RTN4RL1: variants seen among roughly 807,000 people sequenced by gnomAD.
RTN4RL1 encodes the protein reticulon 4 receptor like 1.
A neutral mutation model predicts 25.6 loss-of-function variants in RTN4RL1; 7 were observed. That is an observed-to-expected ratio of 0.27 (90% CI 0.16 to 0.51). The LOEUF is 0.51. Ranked by LOEUF, RTN4RL1 falls within the 20% of genes least tolerant of loss-of-function variation. The probability of loss-of-function intolerance (pLI) is 0.97; values close to 1 mark genes in which losing one functional copy is unlikely to be tolerated. For synonymous variants in RTN4RL1, 297 were observed against 288.2 expected, an observed-to-expected ratio of 1.03 and a Z score of -0.31; for missense variants, 500 against 615.6, an observed-to-expected ratio of 0.81 and a Z score of 1.99.
At chr17:2,002,237 T>C (rs1379023816) in intron 1 of RTN4RL1, among the ~76,000 whole-genome samples, 2 of 151,708 alleles carry the variant, frequency 1.3e-5, no homozygotes, top group Admixed American at 1.3e-4. Context: ...TCTTCCTTCC[T>C]TCCCTCCCTC....
chr17:1,991,794 C>A (rs552432249), intron 1 of RTN4RL1, among the ~76,000 whole-genome samples: 12 of 152,178 alleles, frequency 7.9e-5, no homozygotes, highest in Non-Finnish European at 1.6e-4. Context: ...TCCTGATGGA[C>A]AAGTAGGTTG....
At chr17:1,993,575 C>T (rs1018653952) in intron 1 of RTN4RL1, among the ~76,000 whole-genome samples, 4 of 151,992 alleles carry the variant, frequency 2.6e-5, no homozygotes, top group African/African-American at 9.7e-5. Flanking sequence ...AAACTTATTT[C>T]GGCAGTTGAG....
intron 1 of RTN4RL1, among the ~76,000 whole-genome samples, chr17:1,951,081 C>T (rs897890486): frequency 4.6e-5 from 7 of 151,134 alleles, no homozygotes; most frequent in Non-Finnish European, 7.4e-5. Context: ...CTGGCTAACA[C>T]GGTGAAACCC....
intron 1 of RTN4RL1, among the ~76,000 whole-genome samples, chr17:1,978,687 A>G (rs1309179492): frequency 6.6e-6 from 1 of 152,198 alleles, no homozygotes; most frequent in Non-Finnish European, 1.5e-5. Flanking sequence ...GTGCGCACGG[A>G]GCATGGAGCG....
In RTN4RL1 at chr17:1,936,785, C is replaced by T. The variant is rs143202933; in HGVS notation, c.1037G>A (p.Arg346Gln). 4,938 of 1,590,454 alleles carry T rather than the reference C, an allele frequency of 3.1e-3. 21 individuals carry two copies. Among genetic ancestry groups the T allele is most frequent in the South Asian group, 9.1e-3 (795 of 87,202 alleles). Residue 346 changes from arginine to glutamine, a missense_variant, in exon 2 of 2, where the codon CGG becomes CAG. This residue lies in a region of RTN4RL1 where 268 missense variants were observed against 274.5 expected (regional missense o/e 0.98). Transcript: ENST00000331238. The part of the protein sequence containing the change: ...TRSKGHPHGP[R>Q]PGHRKPGKNC... The stretch of plus-strand genomic sequence containing the variant: ...CTTCCCCGGCTTCCTGTGGCCGGGC[C>T]GGGGGCCGTGCGGGTGGCCCTTGCT...
intron 1 of RTN4RL1, among the ~76,000 whole-genome samples, chr17:2,006,930 T>A (rs905478996): frequency 6.6e-6 from 1 of 152,122 alleles, no homozygotes; most frequent in African/African-American, 2.4e-5. Flanking sequence ...GCCTTTTCTT[T>A]TTTTTAATGT....
chr17:1,939,559 T>C (rs906928315), intron 1 of RTN4RL1, among the ~76,000 whole-genome samples: 1 of 152,052 alleles, frequency 6.6e-6, no homozygotes, highest in Non-Finnish European at 1.5e-5. Context: ...CTCCAGGCTG[T>C]GGTTGCAAAA....
intron 1 of RTN4RL1, among the ~76,000 whole-genome samples, chr17:1,938,907 C>T (rs905484652): frequency 6.6e-6 from 1 of 151,478 alleles, no homozygotes. Context: ...AAAAATTAGC[C>T]GGGTGGCTAC....
In RTN4RL1 at chr17:1,998,708, G is replaced by A. The variant is rs1403292795; in HGVS notation, c.13+26145C>T. Reference sequence around the variant, plus strand: ...AAGCTGGCGCTGCCGGAGCGCCCGGGCCCCGCTCCCCTCACGGGCCTCGCA... The same window carrying A: ...AAGCTGGCGCTGCCGGAGCGCCCGGACCCCGCTCCCCTCACGGGCCTCGCA... On this transcript the variant is annotated intron_variant, in intron 1 of 1. Transcript: ENST00000331238. The surrounding 1 kb of genome is among the most constrained non-coding windows in gnomAD (Gnocchi z 4.9). 6.6e-6 allele frequency among the ~76,000 whole-genome samples: 1 copy of A among 151,248 alleles called. No homozygotes were observed.
intron 1 of RTN4RL1, among the ~76,000 whole-genome samples, chr17:1,989,579 A>T (rs1256260426): frequency 6.6e-6 from 1 of 151,654 alleles, no homozygotes; most frequent in Non-Finnish European, 1.5e-5. Flanking sequence ...TTATTTATTT[A>T]TTTTTATTTT....
chr17:2,012,359 G>A (rs139175416), intron 1 of RTN4RL1, among the ~76,000 whole-genome samples: 66 of 152,366 alleles, frequency 4.3e-4, no homozygotes, highest in South Asian at 1.7e-3. Context: ...GCTGGGCTGC[G>A]GTGAGGCGGC....
intron 1 of RTN4RL1, among the ~76,000 whole-genome samples, chr17:1,961,993 A>C (rs1398153868): frequency 6.6e-6 from 1 of 151,006 alleles, no homozygotes; most frequent in Non-Finnish European, 1.5e-5. Context: ...GAAAGAAAAG[A>C]AAAGCAGGCC....
At chr17:1,984,417 G>T (rs1284754330) in intron 1 of RTN4RL1, among the ~76,000 whole-genome samples, 1 of 152,168 alleles carries the variant, frequency 6.6e-6, no homozygotes, top group Non-Finnish European at 1.5e-5. Context: ...AGGCTGGAGT[G>T]CAGTGGCCCA....
chr17:1,975,905 CT>C (rs149659370), intron 1 of RTN4RL1, among the ~76,000 whole-genome samples: 1,633 of 152,260 alleles, frequency 0.011, 29 homozygotes, highest in African/African-American at 0.038. Flanking sequence ...AAGCCCACCC[CT>C]GAGACCAGAA....
rs113681023 is a variant in RTN4RL1, at chr17:1,948,539, GGACAGGCA to G, written c.14-10739_14-10732del. Among the ~76,000 whole-genome samples the G allele has an allele frequency of 2.5e-3, 380 of 152,258 alleles. 2 individuals are homozygous for G. Among genetic ancestry groups the G allele is most frequent in the African/African-American group, 6.1e-3 (255 of 41,540 alleles). On this transcript the variant is annotated intron_variant, in intron 1 of 1. Transcript: ENST00000331238. The stretch of plus-strand genomic sequence containing the variant: ...AGCTAATTGTGGACCACCCACTGCC[GGACAGGCA>G]GACAGGCAGACAGGCAGACACAGGC...
intron 1 of RTN4RL1, among the ~76,000 whole-genome samples, chr17:1,959,538 T>C (rs1267426349): frequency 6.6e-6 from 1 of 152,124 alleles, no homozygotes; most frequent in African/African-American, 2.4e-5. Flanking sequence ...TGTCCCCAGG[T>C]GAGCTTGTCC....
chr17:2,004,240 C>T (rs71359139), intron 1 of RTN4RL1, among the ~76,000 whole-genome samples: 12,487 of 139,838 alleles, frequency 0.089, 767 homozygotes, highest in African/African-American at 0.18. Flanking sequence ...TGGTGGCGGG[C>T]GCCTGTAGTC....
At chr17:2,000,662 G>T (rs1016348453) in intron 1 of RTN4RL1, among the ~76,000 whole-genome samples, 1 of 152,122 alleles carries the variant, frequency 6.6e-6, no homozygotes, top group African/African-American at 2.4e-5. Flanking sequence ...TGGGATTACA[G>T]GGGCGTGCCA....
chr17:1,980,260 A>C (rs2066861576), intron 1 of RTN4RL1, among the ~76,000 whole-genome samples: 1 of 146,460 alleles, frequency 6.8e-6, no homozygotes. Flanking sequence ...TAGTAGAGAC[A>C]GGACCTCACT....
Sources: gnomAD v4.1 joint callset for allele counts (sites outside exome capture counted in the v4.1 genomes callset) on GRCh38, gnomAD v4.1.1 for gene constraint, gnomAD v4.1.1 regional missense constraint, Gnocchi (gnomAD v3.1) non-coding constraint, MANE v1.5 for transcripts, NCBI Gene and HGNC (gene_info 2026-07-23, HGNC 2026-07-21) for gene names.